Variants in CXCL13 observed in about 807,000 individuals in gnomAD.
CXCL13 encodes the protein C-X-C motif chemokine 13.
Under a neutral mutation model 12.2 loss-of-function variants are expected in CXCL13, and 7 were observed. The observed-to-expected ratio is 0.57, with a 90% CI of 0.33 to 1.07. The LOEUF is 1.07. Ranked by LOEUF, CXCL13 falls within the 50% of genes least tolerant of loss-of-function variation. The pLI is 0.04. For missense variants in CXCL13, 113 were observed against 127.4 expected (o/e 0.89, Z 0.55); for synonymous variants, 47 against 42.4 (o/e 1.11, Z -0.42).
intron 1 of CXCL13, among the ~76,000 whole-genome samples, chr4:77,523,842 G>A (rs1029337429): frequency 6.6e-5 from 10 of 152,204 alleles, no homozygotes; most frequent in African/African-American, 2.4e-4. Flanking sequence ...CCCCATCTTT[G>A]TGGCTTTACC....
At chr4:77,582,599 G>T (rs1264817620) in intron 1 of CXCL13, among the ~76,000 whole-genome samples, 2 of 152,154 alleles carry the variant, frequency 1.3e-5, no homozygotes, top group Non-Finnish European at 2.9e-5. Context: ...AGGGGAGAGT[G>T]GTGAAAGATG....
chr4:77,514,834 G>T (rs1015981320), intron 1 of CXCL13, among the ~76,000 whole-genome samples: 9 of 152,174 alleles, frequency 5.9e-5, no homozygotes, highest in Admixed American at 2.0e-4. Flanking sequence ...GTCAATTTTG[G>T]CTTTTGTTGC....
intron 1 of CXCL13, among the ~76,000 whole-genome samples, chr4:77,582,982 C>T (rs1248265028): frequency 1.3e-5 from 2 of 152,160 alleles, no homozygotes; most frequent in Non-Finnish European, 2.9e-5. Flanking sequence ...TAGGTCATGG[C>T]TGAAGATGCC....
intron 1 of CXCL13, among the ~76,000 whole-genome samples, chr4:77,560,669 C>T (rs756324339): frequency 1.2e-4 from 19 of 152,310 alleles, no homozygotes; most frequent in Middle Eastern, 3.4e-3. Context: ...GATTTAGCCA[C>T]ATTTTTACTG....
chr4:77,549,030 A>T (rs1310719631), intron 1 of CXCL13, among the ~76,000 whole-genome samples: 2 of 152,016 alleles, frequency 1.3e-5, no homozygotes, highest in African/African-American at 4.8e-5. Flanking sequence ...TGCTTTGTTC[A>T]TTTCTTTTTA....
At chr4:77,576,096 G>A (rs1421485717) in intron 1 of CXCL13, among the ~76,000 whole-genome samples, 1 of 151,802 alleles carries the variant, frequency 6.6e-6, no homozygotes, top group Non-Finnish European at 1.5e-5. Context: ...ACTTTGACAG[G>A]TACTCTCAAA....
upstream of CXCL13, among the ~76,000 whole-genome samples, chr4:77,602,445 T>C (rs917889877): frequency 6.6e-6 from 1 of 152,238 alleles, no homozygotes. Context: ...CTATGCAGCT[T>C]ATGTTAGACC....
intron 1 of CXCL13, among the ~76,000 whole-genome samples, chr4:77,538,439 T>A (rs1269022343): frequency 6.6e-6 from 1 of 151,102 alleles, no homozygotes; most frequent in Non-Finnish European, 1.5e-5. Flanking sequence ...TTTTTTTTTT[T>A]TCCTACAGCT....
At chr4:77,541,826 T>A (rs1725212746) in intron 1 of CXCL13, among the ~76,000 whole-genome samples, 1 of 152,212 alleles carries the variant, frequency 6.6e-6, no homozygotes, top group African/African-American at 2.4e-5. Flanking sequence ...ATTTTAATGA[T>A]ATTGATTCCA....
chr4:77,593,035 T>A (rs1239090718), intron 1 of CXCL13, among the ~76,000 whole-genome samples: 1 of 152,184 alleles, frequency 6.6e-6, no homozygotes, highest in African/African-American at 2.4e-5. Context: ...ATCTCTTTCC[T>A]CTCTTTGTAC....
At chr4:77,608,061 T>G (rs1351468116) in intron 2 of CXCL13, among the ~76,000 whole-genome samples, 1 of 152,194 alleles carries the variant, frequency 6.6e-6, no homozygotes, top group Non-Finnish European at 1.5e-5. Flanking sequence ...TCAACCACTT[T>G]ATTAAGGTAA....
intron 1 of CXCL13, among the ~76,000 whole-genome samples, chr4:77,551,716 A>G (rs1725525960): frequency 6.6e-6 from 1 of 152,186 alleles, no homozygotes; most frequent in Non-Finnish European, 1.5e-5. Flanking sequence ...TTCTCTCAGG[A>G]ATGTCAATAA....
chr4:77,550,419 G>A (rs1214170465), intron 1 of CXCL13, among the ~76,000 whole-genome samples: 2 of 152,164 alleles, frequency 1.3e-5, no homozygotes, highest in African/African-American at 4.8e-5. Context: ...TCTGTCTTCT[G>A]CATCACTCCT....
At chr4:77,597,541 G>A (rs186911586) in intron 1 of CXCL13, among the ~76,000 whole-genome samples, 12 of 152,182 alleles carry the variant, frequency 7.9e-5, no homozygotes, top group South Asian at 6.2e-4. Context: ...GGAAGGGGCC[G>A]CCTTTTACAT....
intron 1 of CXCL13, among the ~76,000 whole-genome samples, chr4:77,580,308 CTTTTTTTTTTTTTTTTTTTT>C (rs1015001550): frequency 5.1e-4 from 9 of 17,628 alleles, no homozygotes; most frequent in Admixed American, 2.0e-3. Context: ...AGTTTTCTTT[CTTTTTTTTTTTTTTTTTTTT>C]TTTTTTTTTT....
At chr4:77,542,595 G>C (rs894679065) in intron 1 of CXCL13, among the ~76,000 whole-genome samples, 7 of 152,034 alleles carry the variant, frequency 4.6e-5, no homozygotes, top group African/African-American at 1.7e-4. Context: ...CAAGAGATTT[G>C]GGTGGGGACA....
chr4:77,563,211 G>C (rs1035630628), intron 1 of CXCL13, among the ~76,000 whole-genome samples: 4 of 152,008 alleles, frequency 2.6e-5, no homozygotes, highest in Non-Finnish European at 4.4e-5. Flanking sequence ...CACCGGGAGG[G>C]TCCGCAGCCT....
At chr4:77,610,463 T>G (rs1286981794) in intron 2 of CXCL13, 151 bp from the exon 3 acceptor site, 4 of 627,326 alleles carry the variant, frequency 6.4e-6, no homozygotes, top group Non-Finnish European at 1.1e-5. Flanking sequence ...GACCCCATAC[T>G]ACAAATCACC....
At chr4:77,600,533 C>T (rs1207169676) in intron 1 of CXCL13, among the ~76,000 whole-genome samples, 1 of 152,144 alleles carries the variant, frequency 6.6e-6, no homozygotes, top group African/African-American at 2.4e-5. Flanking sequence ...TTATTATCTA[C>T]ATGACATATG....
Sources: gnomAD v4.1 joint callset for allele counts (sites outside exome capture counted in the v4.1 genomes callset) on GRCh38, gnomAD v4.1.1 for gene constraint, MANE v1.5 for transcripts, NCBI Gene and HGNC (gene_info 2026-07-23, HGNC 2026-07-21) for gene names.